Variants in CRYL1 observed in about 807,000 individuals in gnomAD.
CRYL1 encodes the protein crystallin lambda 1.
In CRYL1, 29 loss-of-function variants were observed where a neutral mutation model predicts 36.6. The observed-to-expected ratio is 0.79, with a 90% CI of 0.59 to 1.08. The LOEUF is 1.08. Ranked by LOEUF, CRYL1 falls within the 50% of genes least tolerant of loss-of-function variation. The pLI, the probability that CRYL1 is intolerant of heterozygous loss-of-function variation, is 0.00. For synonymous variants in CRYL1, 152 were observed against 151.5 expected, an observed-to-expected ratio of 1.00 and a Z score of -0.02; for missense variants, 411 against 407.9, an observed-to-expected ratio of 1.01 and a Z score of -0.06.
At chr13:20,519,895 G>A (rs2137521469) in intron 1 of CRYL1, among the ~76,000 whole-genome samples, 1 of 72,568 alleles carries the variant, frequency 1.4e-5, no homozygotes, top group East Asian at 6.9e-4. Flanking sequence ...AGATATTAAG[G>A]AATTGTGTTA....
intron 3 of CRYL1, among the ~76,000 whole-genome samples, chr13:20,482,426 G>C (rs1455586978): frequency 6.6e-6 from 1 of 152,232 alleles, no homozygotes; most frequent in Non-Finnish European, 1.5e-5. Flanking sequence ...GAGCTTTAAT[G>C]TGCTTTAAAA....
chr13:20,503,935 G>T (rs1248162478), intron 2 of CRYL1, among the ~76,000 whole-genome samples: 1 of 152,186 alleles, frequency 6.6e-6, no homozygotes, highest in African/African-American at 2.4e-5. Flanking sequence ...ACTGCTGGTG[G>T]TTTATTAACT....
At chr13:20,508,648 C>A (rs2137503502) in intron 2 of CRYL1, among the ~76,000 whole-genome samples, 1 of 151,318 alleles carries the variant, frequency 6.6e-6, no homozygotes, top group African/African-American at 2.4e-5. Context: ...AGATCGAGAC[C>A]ATCCTGGCTA....
At chr13:20,404,590 T>C (rs902394914) in intron 7 of CRYL1, 45 bp downstream of exon 7, 3 of 1,305,056 alleles carry the variant, frequency 2.3e-6, no homozygotes, top group African/African-American at 1.5e-5. Context: ...GTGCTCCAGG[T>C]AGCCAACATG....
chr13:20,506,551 T>C (rs1163140201), intron 2 of CRYL1, among the ~76,000 whole-genome samples: 1 of 151,864 alleles, frequency 6.6e-6, no homozygotes, highest in Non-Finnish European at 1.5e-5. Flanking sequence ...ACAAAAAAAC[T>C]TATCCACAAC....
At position 20,435,446 on chromosome 13, in the gene CRYL1, A is replaced by C. The variant is rs2032188466; in HGVS notation, c.439-3150T>G. Among the ~76,000 whole-genome samples the C allele has an allele frequency of 6.6e-6, 1 of 152,132 alleles. No individual in the cohort carries two copies. The highest frequency in any genetic ancestry group is 1.9e-4 in the East Asian group (1 of 5,160). ...CGTGTCCACCTACGGAAGCCGCCGC[A>C]AAAGGACCTTCGAGGTCTCCCGGCT... On this transcript the variant is annotated intron_variant, in intron 4 of 7. Coordinates refer to ENST00000298248, the MANE Select transcript of CRYL1 (RefSeq NM_015974.3). The surrounding 1 kb of genome is among the most constrained non-coding windows in gnomAD (Gnocchi z 4.0).
At chr13:20,431,572 AATCCT>A (rs1364454975) in intron 5 of CRYL1, 12 of 1,011,606 alleles carry the variant, frequency 1.2e-5, no homozygotes, top group Non-Finnish European at 1.4e-5. Flanking sequence ...CTCCATGTAA[AATCCT>A]TTCATTAGAG....
intron 2 of CRYL1, among the ~76,000 whole-genome samples, chr13:20,504,015 T>C (rs2033749276): frequency 6.6e-6 from 1 of 152,088 alleles, no homozygotes; most frequent in African/African-American, 2.4e-5. Flanking sequence ...GTACAGATGG[T>C]GGAGAAACCA....
At chr13:20,443,462 C>T (rs973298486) in intron 3 of CRYL1, among the ~76,000 whole-genome samples, 3 of 152,084 alleles carry the variant, frequency 2.0e-5, no homozygotes, top group Admixed American at 2.0e-4. Flanking sequence ...GGCATGATCT[C>T]AGCTCACTGC....
intron 5 of CRYL1, among the ~76,000 whole-genome samples, chr13:20,414,317 T>C (rs530014136): frequency 6.6e-6 from 1 of 152,188 alleles, no homozygotes; most frequent in East Asian, 1.9e-4. Context: ...ATCCCTGCAA[T>C]CTACTAGGGG....
chr13:20,407,483 G>A (rs1305619788), intron 6 of CRYL1, among the ~76,000 whole-genome samples: 2 of 152,244 alleles, frequency 1.3e-5, no homozygotes, highest in South Asian at 2.1e-4. Flanking sequence ...TCTACACCAC[G>A]AGAGGAGAAT....
intron 2 of CRYL1, among the ~76,000 whole-genome samples, chr13:20,497,250 C>T (rs2033620755): frequency 6.6e-6 from 1 of 150,596 alleles, no homozygotes. Context: ...CCATGCGTGC[C>T]CACACACCAC....
At chr13:20,408,241 A>C (rs1394972163) in intron 6 of CRYL1, among the ~76,000 whole-genome samples, 1 of 152,134 alleles carries the variant, frequency 6.6e-6, no homozygotes, top group Admixed American at 6.6e-5. Context: ...GTCCCCGCCC[A>C]TCAGCTCACC....
chr13:20,518,550 C>G (rs2034041944), intron 1 of CRYL1, among the ~76,000 whole-genome samples: 1 of 152,060 alleles, frequency 6.6e-6, no homozygotes, highest in South Asian at 2.1e-4. Flanking sequence ...ACCTCAGAAG[C>G]AATGGAGGGA....
At chr13:20,407,894 T>G (rs1004593852) in intron 6 of CRYL1, among the ~76,000 whole-genome samples, 4 of 152,176 alleles carry the variant, frequency 2.6e-5, no homozygotes, top group African/African-American at 9.7e-5. Context: ...TCTGTTCCCA[T>G]GTATGCAGCA....
At chr13:20,492,962 C>T (rs1276419861) in intron 2 of CRYL1, among the ~76,000 whole-genome samples, 1 of 152,162 alleles carries the variant, frequency 6.6e-6, no homozygotes, top group African/African-American at 2.4e-5. Flanking sequence ...TCCTCCCCTC[C>T]ACTCAGAGTC....
At chr13:20,509,514 C>T (rs1202714264) in intron 2 of CRYL1, among the ~76,000 whole-genome samples, 1 of 152,034 alleles carries the variant, frequency 6.6e-6, no homozygotes, top group Non-Finnish European at 1.5e-5. Flanking sequence ...TTAAGGCTTC[C>T]CCTTTAATCA....
intron 5 of CRYL1, among the ~76,000 whole-genome samples, chr13:20,413,950 G>C (rs1032599571): frequency 6.6e-6 from 1 of 152,086 alleles, no homozygotes; most frequent in African/African-American, 2.4e-5. Flanking sequence ...TGAGGTGGGG[G>C]ATCACCTGAG....
rs2032086162 is a variant in CRYL1 at position 20,432,308 on chromosome 13, G to C, written c.439-12C>G. 1 of 1,591,018 alleles carries C rather than the reference G, an allele frequency of 6.3e-7. No individual in the cohort carries two copies. Among genetic ancestry groups the C allele is most frequent in the Non-Finnish European group, 8.6e-7 (1 of 1,163,496 alleles). On this transcript the variant is annotated splice_polypyrimidine_tract_variant and intron_variant, in intron 4 of 7. Transcript: ENST00000298248. ...TATGGCGGATTCACCTTAGGAGAGAGAGAGAAGTGGGGGAGTCAAGGAGAT... is the reference window on the plus strand; with the variant it reads ...TATGGCGGATTCACCTTAGGAGAGACAGAGAAGTGGGGGAGTCAAGGAGAT...
Sources: allele counts gnomAD v4.1 joint callset (sites outside exome capture counted in the v4.1 genomes callset), GRCh38; gene constraint gnomAD v4.1.1; non-coding constraint Gnocchi (gnomAD v3.1); transcripts MANE v1.5; gene names NCBI Gene and HGNC (gene_info 2026-07-23, HGNC 2026-07-21).